KDM4A: variants seen among roughly 807,000 people sequenced by gnomAD.
KDM4A encodes lysine demethylase 4A, also known as lysine-specific demethylase 4A.
KDM4A carries 23 observed loss-of-function variants against 127.1 expected under a neutral mutation model. That is an observed-to-expected ratio of 0.18 (90% CI 0.13 to 0.26). The LOEUF (loss-of-function observed/expected upper bound fraction) is 0.26. KDM4A is among the 10% of genes least tolerant of loss of function. The pLI is 1.00. For synonymous variants in KDM4A, 443 were observed against 466.5 expected, an observed-to-expected ratio of 0.95 and a Z score of 0.65; for missense variants, 890 against 1,329.1, an observed-to-expected ratio of 0.67 and a Z score of 5.14.
intron 4 of KDM4A, 130 bp from the exon 5 acceptor site, chr1:43,662,762 CAT>C: frequency 4.1e-6 from 3 of 726,452 alleles, no homozygotes; most frequent in Non-Finnish European, 6.8e-6. Flanking sequence ...TCTTCACGTC[CAT>C]AGTGTTTTGA....
chr1:43,676,423 G>A (rs1055825411), intron 11 of KDM4A, among the ~76,000 whole-genome samples: 3 of 152,148 alleles, frequency 2.0e-5, no homozygotes, highest in African/African-American at 7.2e-5. Flanking sequence ...CTGGCTTTAA[G>A]CAATTCTTTG....
intron 4 of KDM4A, among the ~76,000 whole-genome samples, chr1:43,660,813 C>T (rs1315566915): frequency 6.6e-6 from 1 of 152,012 alleles, no homozygotes; most frequent in Non-Finnish European, 1.5e-5. Flanking sequence ...TTTTTCAGAA[C>T]CCTCAAACAA....
rs146229404 is a variant in KDM4A, at chr1:43,672,969, A to G, written c.1734+1094A>G. 3.3e-5 allele frequency among the ~76,000 whole-genome samples: 5 copies of G among 152,186 alleles called. No individual in the cohort carries two copies. The East Asian group carries it at 9.6e-4, about 29-fold the overall frequency. ...CTTACACCTCTTGACTGCCCTGTAGACTCCCAGTATGACATTGATAGAGCA... is the reference window on the plus strand; with the variant it reads ...CTTACACCTCTTGACTGCCCTGTAGGCTCCCAGTATGACATTGATAGAGCA... On this transcript the variant is annotated intron_variant, in intron 11 of 21. Transcript: ENST00000372396.
intron 11 of KDM4A, among the ~76,000 whole-genome samples, chr1:43,681,050 C>G (rs986445866): frequency 6.6e-6 from 1 of 152,158 alleles, no homozygotes; most frequent in African/African-American, 2.4e-5. Flanking sequence ...CCTTCTCAAA[C>G]TATGATCTCA....
intron 18 of KDM4A, among the ~76,000 whole-genome samples, chr1:43,697,123 TAGA>T (rs1251503548): frequency 6.6e-6 from 1 of 152,124 alleles, no homozygotes; most frequent in Non-Finnish European, 1.5e-5. Flanking sequence ...GCATCTCAGG[TAGA>T]AGAACCAGCA....
chr1:43,683,889 GGGA>G, intron 12 of KDM4A, 85 bp downstream of exon 12: 1 of 1,514,848 alleles, frequency 6.6e-7, no homozygotes, highest in Non-Finnish European at 9.0e-7. Context: ...GCCAAGCTGA[GGGA>G]TAAGGGTGGG....
chr1:43,667,704 A>G lies in KDM4A; in HGVS notation c.916-68A>G. 34 of 1,599,222 alleles carry G rather than the reference A, an allele frequency of 2.1e-5. No individual in the cohort carries two copies. In the South Asian group the frequency reaches 3.8e-4, roughly 18 times the overall value. On this transcript the variant is annotated intron_variant, in intron 8 of 21. Transcript: ENST00000372396. ...TTGTTTCCATGTGGAGGGAGGAGCT[A>G]GGACGTGGGGGTGAGTTGGAAGCAG...
intron 11 of KDM4A, among the ~76,000 whole-genome samples, chr1:43,672,968 G>A (rs1048498354): frequency 6.6e-6 from 1 of 152,202 alleles, no homozygotes; most frequent in Non-Finnish European, 1.5e-5. Context: ...CTGCCCTGTA[G>A]ACTCCCAGTA....
chr1:43,698,822 T>C (rs1661308598), intron 19 of KDM4A, among the ~76,000 whole-genome samples: 1 of 152,200 alleles, frequency 6.6e-6, no homozygotes, highest in Non-Finnish European at 1.5e-5. Context: ...AGGGTTTCAC[T>C]CTGACGCCCA....
At chr1:43,658,664 C>T (rs939618935) in intron 3 of KDM4A, among the ~76,000 whole-genome samples, 3 of 151,676 alleles carry the variant, frequency 2.0e-5, no homozygotes, top group East Asian at 2.0e-4. Context: ...CCACACCACC[C>T]GGCTAATTTT....
rs1281300519 is a variant in KDM4A, at chr1:43,688,536, G to A, written c.1856-378G>A. Among the ~76,000 whole-genome samples, 4 of 152,180 alleles carry A rather than the reference G, an allele frequency of 2.6e-5. No individual in the cohort carries two copies. The highest frequency in any genetic ancestry group is 5.9e-5 in the Non-Finnish European group (4 of 68,034). On this transcript the variant is annotated intron_variant, in intron 12 of 21. Transcript: ENST00000372396. The surrounding 1 kb of genome is among the most constrained non-coding windows in gnomAD (Gnocchi z 4.4). Reference sequence around the variant, plus strand: ...AAGGTAAAGGACTTAACAGGCTGACGTTTTGGAGGCAGCAAATAAGATGGT... The same window carrying A: ...AAGGTAAAGGACTTAACAGGCTGACATTTTGGAGGCAGCAAATAAGATGGT...
chr1:43,662,895 A>G lies in KDM4A; in HGVS notation c.431A>G (p.His144Arg), dbSNP rs546268775. The G allele has an allele frequency of 8.7e-6, 14 of 1,610,472 alleles. No individual in the cohort carries two copies. The East Asian group carries it at 1.6e-4, about 18-fold the overall frequency. Residue 144 changes from histidine (H) to arginine (R), a missense_variant and splice_region_variant, in exon 5 of 22, where the codon CAT becomes CGT. This residue lies in a region of KDM4A where 141 missense variants were observed against 273.5 expected (regional missense o/e 0.52). Transcript: ENST00000372396. ...ADVNGTLYEK[H>R]VDEWNIGRLR... ...CCTGGACTGTCATTGCCTTTGCAGC[A>G]TGTTGATGAGTGGAATATTGGCCGG...
intron 8 of KDM4A, among the ~76,000 whole-genome samples, chr1:43,667,425 C>T (rs1314687278): frequency 1.3e-5 from 2 of 152,166 alleles, no homozygotes; most frequent in African/African-American, 2.4e-5. Context: ...GGGCCTTTGA[C>T]TGATAGTAGT....
intron 2 of KDM4A, among the ~76,000 whole-genome samples, chr1:43,654,145 A>C (rs1660180846): frequency 6.6e-6 from 1 of 152,226 alleles, no homozygotes; most frequent in Non-Finnish European, 1.5e-5. Context: ...TAATAACAGC[A>C]GGCGGGAATA....
At chr1:43,686,860 G>T (rs533702358) in intron 12 of KDM4A, among the ~76,000 whole-genome samples, 1 of 152,250 alleles carries the variant, frequency 6.6e-6, no homozygotes, top group African/African-American at 2.4e-5. Flanking sequence ...TAACTGTACA[G>T]CTCAATGAAA....
chr1:43,655,232 G>A (rs181433159), intron 2 of KDM4A, among the ~76,000 whole-genome samples: 2 of 152,302 alleles, frequency 1.3e-5, no homozygotes, highest in Admixed American at 1.3e-4. Context: ...TTCTGTACAA[G>A]TATAGAGTTG....
chr1:43,655,876 T>G, intron 3 of KDM4A, 110 bp downstream of exon 3: 1 of 883,970 alleles, frequency 1.1e-6, no homozygotes, highest in Non-Finnish European at 1.6e-6. Flanking sequence ...TTCAGCAGGA[T>G]GGCTCTGTTC....
intron 15 of KDM4A, 104 bp downstream of exon 15, chr1:43,691,676 G>T: frequency 1.0e-6 from 1 of 971,000 alleles, no homozygotes; most frequent in Non-Finnish European, 1.7e-6. Flanking sequence ...TCTGCATAGG[G>T]TCTGGTACGC....
chr1:43,676,509 C>T (rs1429281928), intron 11 of KDM4A, among the ~76,000 whole-genome samples: 2 of 152,002 alleles, frequency 1.3e-5, no homozygotes, highest in African/African-American at 2.4e-5. Flanking sequence ...TTAGTAGAGA[C>T]AGGGTTTCAC....
Sources: allele counts gnomAD v4.1 joint callset (sites outside exome capture counted in the v4.1 genomes callset), GRCh38; gene constraint gnomAD v4.1.1; regional missense constraint gnomAD v4.1.1; non-coding constraint Gnocchi (gnomAD v3.1); transcripts MANE v1.5; gene names NCBI Gene and HGNC (gene_info 2026-07-23, HGNC 2026-07-21).